RBFOX1: variants seen among roughly 807,000 people sequenced by gnomAD.
RBFOX1 encodes RNA binding fox-1 homolog 1, also known as RNA binding protein fox-1 homolog 1.
RBFOX1 carries 8 observed loss-of-function variants against 57.7 expected under a neutral mutation model. That is an observed-to-expected ratio of 0.14 (90% CI 0.08 to 0.25). RBFOX1 has a LOEUF of 0.25. Among genes scored for constraint, RBFOX1 ranks in the 10% least tolerant of loss-of-function variants. The pLI, the probability that RBFOX1 is intolerant of heterozygous loss-of-function variation, is 1.00. For synonymous variants in RBFOX1, 326 were observed against 222.4 expected, an observed-to-expected ratio of 1.47 and a Z score of -4.15; for missense variants, 611 against 548.5, an observed-to-expected ratio of 1.11 and a Z score of -1.14.
chr16:7,648,147 A>G (rs986315385), intron 11 of RBFOX1, among the ~76,000 whole-genome samples: 6 of 152,208 alleles, frequency 3.9e-5, no homozygotes, highest in African/African-American at 1.4e-4. Context: ...TGCCCTTGAA[A>G]TGGATTATTC....
chr16:5,403,549 A>G (rs1039441237), intron 1 of RBFOX1, among the ~76,000 whole-genome samples: 1 of 152,030 alleles, frequency 6.6e-6, no homozygotes, highest in South Asian at 2.1e-4. Context: ...GGTTTAAGGA[A>G]TTCTCCTGCC....
intron 3 of RBFOX1, among the ~76,000 whole-genome samples, chr16:6,920,626 C>A (rs965791581): frequency 6.6e-6 from 1 of 152,108 alleles, no homozygotes; most frequent in Admixed American, 6.5e-5. Context: ...ATATTAGCTC[C>A]TTCTGGAAGC....
At chr16:6,046,653 ACTTTGGATC>A (rs1182442366) in intron 1 of RBFOX1, among the ~76,000 whole-genome samples, 1 of 152,222 alleles carries the variant, frequency 6.6e-6, no homozygotes, top group East Asian at 1.9e-4. Flanking sequence ...TAGGGAGGCA[ACTTTGGATC>A]CTTCTTGAAA....
Position 5,927,076 on chromosome 16 carries a change from AC to A in RBFOX1, c.351+59744del, listed in dbSNP as rs1466334873. Among the ~76,000 whole-genome samples, 5 of 152,160 alleles carry A rather than the reference AC, an allele frequency of 3.3e-5. No individual in the cohort carries two copies. In the East Asian group the frequency reaches 9.6e-4, roughly 29 times the overall value. ...AGAATGATTTTTGACATATTTTTAT[AC>A]CCTAGCTCTGTGATTCATTTAATGT... On this transcript the variant is annotated intron_variant, in intron 4 of 19. Coordinates refer to the RBFOX1 transcript ENST00000641259.
intron 1 of RBFOX1, among the ~76,000 whole-genome samples, chr16:6,176,387 G>T (rs1437236457): frequency 7.2e-6 from 1 of 138,450 alleles, no homozygotes; most frequent in African/African-American, 2.8e-5. Flanking sequence ...TCAAACTCCT[G>T]ACCTCAGGTC....
At chr16:6,557,873 C>T (rs979581256) in intron 2 of RBFOX1, among the ~76,000 whole-genome samples, 2 of 151,972 alleles carry the variant, frequency 1.3e-5, no homozygotes, top group Admixed American at 6.6e-5. Flanking sequence ...GTGTATTCTC[C>T]CCTTTGGTGT....
At chr16:5,272,351 A>C (rs1282258155) in intron 1 of RBFOX1, among the ~76,000 whole-genome samples, 2 of 152,220 alleles carry the variant, frequency 1.3e-5, no homozygotes, top group African/African-American at 4.8e-5. Flanking sequence ...GTCAATTAAA[A>C]TAACGTTAGT....
chr16:5,543,525 A>G (rs2045055578), intron 2 of RBFOX1, among the ~76,000 whole-genome samples: 1 of 152,240 alleles, frequency 6.6e-6, no homozygotes, highest in African/African-American at 2.4e-5. Context: ...AAAAGAGAAC[A>G]GCATTAGTAA....
chr16:6,778,668 A>G (rs1355924625), intron 3 of RBFOX1, among the ~76,000 whole-genome samples: 1 of 152,042 alleles, frequency 6.6e-6, no homozygotes, highest in East Asian at 1.9e-4. Flanking sequence ...AGAACTTTCC[A>G]TTCATATTTT....
At chr16:6,268,991 G>A (rs2074886942) in intron 1 of RBFOX1, among the ~76,000 whole-genome samples, 2 of 152,084 alleles carry the variant, frequency 1.3e-5, no homozygotes, top group South Asian at 4.1e-4. Context: ...GCTTTGTGGG[G>A]ACATATCTCT....
chr16:5,444,351 T>A (rs1266937031), intron 1 of RBFOX1, among the ~76,000 whole-genome samples: 1 of 152,228 alleles, frequency 6.6e-6, no homozygotes, highest in Non-Finnish European at 1.5e-5. Flanking sequence ...GTCATAAATT[T>A]CACCCAGTTC....
chr16:6,634,388 C>A lies in RBFOX1; in HGVS notation c.-63-20215C>A, dbSNP rs184296396. ...TGTGACCTTGGGCAAAAAACCAAACCTCCGTGAGTATGTTTACTCTAAAAT... is the reference window on the plus strand; with the variant it reads ...TGTGACCTTGGGCAAAAAACCAAACATCCGTGAGTATGTTTACTCTAAAAT... On this transcript the variant is annotated intron_variant, in intron 2 of 15. Transcript: ENST00000550418. Among the ~76,000 whole-genome samples, 550 of 152,048 alleles carry A rather than the reference C, an allele frequency of 3.6e-3. 4 individuals carry two copies. The highest frequency in any genetic ancestry group is 0.012 in the African/African-American group (509 of 41,502).
chr16:7,390,254 T>G (rs1358646706), intron 4 of RBFOX1, among the ~76,000 whole-genome samples: 4 of 152,088 alleles, frequency 2.6e-5, no homozygotes, highest in Non-Finnish European at 5.9e-5. Context: ...GACATGAGAT[T>G]TGGGGAGGGA....
intron 4 of RBFOX1, among the ~76,000 whole-genome samples, chr16:7,327,550 C>T (rs1052442872): frequency 2.0e-5 from 3 of 152,204 alleles, no homozygotes; most frequent in Admixed American, 6.5e-5. Flanking sequence ...CAGGGAAACA[C>T]TCTGTTTTAT....
At chr16:6,787,620 C>G (rs2082184614) in intron 3 of RBFOX1, among the ~76,000 whole-genome samples, 1 of 152,046 alleles carries the variant, frequency 6.6e-6, no homozygotes, top group Non-Finnish European at 1.5e-5. Context: ...TCCACTGTGA[C>G]CTTGGAGGCC....
chr16:5,383,276 G>A (rs2066174306), intron 1 of RBFOX1, among the ~76,000 whole-genome samples: 1 of 152,176 alleles, frequency 6.6e-6, no homozygotes, highest in Non-Finnish European at 1.5e-5. Context: ...GGCGCCCACT[G>A]GTGTGGGGAA....
chr16:5,432,559 G>GTTTTTTTTTTTTTTTTGTTT (rs35344614), intron 1 of RBFOX1, among the ~76,000 whole-genome samples: 3 of 94,224 alleles, frequency 3.2e-5, no homozygotes, highest in Non-Finnish European at 6.1e-5. Context: ...TTGTTTGTTT[G>GTTTTTTTTTTTTTTTTGTTT]TTTTTTTTTT....
chr16:5,883,148 A>G (rs767590545), intron 4 of RBFOX1, among the ~76,000 whole-genome samples: 41 of 152,234 alleles, frequency 2.7e-4, no homozygotes, highest in Non-Finnish European at 1.0e-4. Context: ...CCATTCTTAG[A>G]TATCAGGGGT....
intron 3 of RBFOX1, among the ~76,000 whole-genome samples, chr16:6,925,372 G>A (rs1400518611): frequency 2.0e-5 from 3 of 151,604 alleles, no homozygotes; most frequent in Non-Finnish European, 2.9e-5. Flanking sequence ...CGATCTACCT[G>A]CCTTGGTCTC....
Sources: gnomAD v4.1 joint callset for allele counts (sites outside exome capture counted in the v4.1 genomes callset) on GRCh38, gnomAD v4.1.1 for gene constraint, MANE v1.5 for transcripts, NCBI Gene and HGNC (gene_info 2026-07-23, HGNC 2026-07-21) for gene names.